The following LRMDA variants were observed in gnomAD, a reference collection of about 807,000 sequenced individuals.
The protein encoded by LRMDA is leucine-rich melanocyte differentiation-associated protein.
Under a neutral mutation model 29.8 loss-of-function variants are expected in LRMDA, and 18 were observed. The ratio of observed to expected loss-of-function variants is 0.60; its 90% CI spans 0.42 to 0.90. The LOEUF (loss-of-function observed/expected upper bound fraction) is 0.90. Ranked by LOEUF, LRMDA falls within the 40% of genes least tolerant of loss-of-function variation. The probability of loss-of-function intolerance (pLI) is 0.00; values close to 1 mark genes in which losing one functional copy is unlikely to be tolerated. For missense variants in LRMDA, 273 were observed against 273.9 expected, an observed-to-expected ratio of 1.00 and a Z score of 0.02; for synonymous variants, 125 against 109.4, an observed-to-expected ratio of 1.14 and a Z score of -0.89.
chr10:76,447,841 A>AC (rs1461777718), intron 6 of LRMDA, among the ~76,000 whole-genome samples: 1 of 151,974 alleles, frequency 6.6e-6, no homozygotes, highest in Non-Finnish European at 1.5e-5. Flanking sequence ...GAGTTCAACA[A>AC]CCCCATGGTT....
At chr10:75,645,293 C>T (rs1048158220) in intron 2 of LRMDA, among the ~76,000 whole-genome samples, 9 of 152,180 alleles carry the variant, frequency 5.9e-5, no homozygotes, top group African/African-American at 1.9e-4. Flanking sequence ...ACTTATTTTA[C>T]TCTTAAAGAT....
At chr10:75,496,037 T>C (rs1212264987) in intron 2 of LRMDA, among the ~76,000 whole-genome samples, 2 of 152,246 alleles carry the variant, frequency 1.3e-5, no homozygotes, top group Admixed American at 6.5e-5. Context: ...TGATGAGTTG[T>C]GCTACCTCTG....
At chr10:75,664,915 G>C (rs1457817257) in intron 2 of LRMDA, among the ~76,000 whole-genome samples, 4 of 152,144 alleles carry the variant, frequency 2.6e-5, no homozygotes, top group Non-Finnish European at 5.9e-5. Flanking sequence ...TAAGGAAATG[G>C]AGAAGCCAGA....
At position 75,470,335 on chromosome 10, in the gene LRMDA, A is replaced by G. The variant is rs903423540; in HGVS notation, c.131+31841A>G. 3.9e-5 allele frequency among the ~76,000 whole-genome samples: 6 copies of G among 152,158 alleles called. No homozygotes were observed. The East Asian group carries it at 7.7e-4, about 20-fold the overall frequency. ...AACATGGCAAAATCTCGTCTCTACT[A>G]AAAACACAAAAATTAGCTGGGTGTG... On this transcript the variant is annotated intron_variant, in intron 2 of 6. Coordinates refer to ENST00000611255, the MANE Select transcript of LRMDA (RefSeq NM_001305581.2).
intron 5 of LRMDA, among the ~76,000 whole-genome samples, chr10:76,239,921 A>T (rs1283606273): frequency 2.0e-5 from 3 of 151,938 alleles, no homozygotes; most frequent in African/African-American, 7.3e-5. Context: ...ATATATACTT[A>T]TATATAATGT....
intron 2 of LRMDA, among the ~76,000 whole-genome samples, chr10:75,482,904 A>T (rs570220223): frequency 6.6e-6 from 1 of 152,118 alleles, no homozygotes; most frequent in African/African-American, 2.4e-5. Context: ...AAGCAAAAAT[A>T]TGTTAATCAC....
chr10:76,089,640 G>A lies in LRMDA; in HGVS notation c.516+30857G>A, dbSNP rs1261457959. On this transcript the variant is annotated intron_variant, in intron 5 of 6. Coordinates refer to ENST00000611255, the MANE Select transcript of LRMDA (RefSeq NM_001305581.2). ...GAACCCATTAACTCAGAGAGATTTC[G>A]GCAGAGCCTTTCCCTTCCCTGACCA... 3.9e-5 allele frequency among the ~76,000 whole-genome samples: 6 copies of A among 152,054 alleles called. No individual in the cohort carries two copies. In the East Asian group the frequency reaches 7.7e-4, roughly 20 times the overall value.
intron 2 of LRMDA, among the ~76,000 whole-genome samples, chr10:75,794,233 A>G (rs948327799): frequency 6.6e-6 from 1 of 152,256 alleles, no homozygotes; most frequent in Non-Finnish European, 1.5e-5. Context: ...AATGATGTTT[A>G]TAAATGATGC....
chr10:76,134,799 T>C (rs1850063347), intron 5 of LRMDA, among the ~76,000 whole-genome samples: 1 of 152,168 alleles, frequency 6.6e-6, no homozygotes, highest in Non-Finnish European at 1.5e-5. Context: ...TAAAATTTGA[T>C]ACATTACTTA....
At chr10:75,502,360 T>C (rs1271117910) in intron 2 of LRMDA, among the ~76,000 whole-genome samples, 1 of 152,138 alleles carries the variant, frequency 6.6e-6, no homozygotes, top group Non-Finnish European at 1.5e-5. Flanking sequence ...TGGGCACAGT[T>C]TGGGAGAGGA....
intron 6 of LRMDA, among the ~76,000 whole-genome samples, chr10:76,329,269 G>T (rs1256516357): frequency 6.6e-6 from 1 of 152,220 alleles, no homozygotes; most frequent in Non-Finnish European, 1.5e-5. Context: ...GGTGGTAATG[G>T]TAAAACAGAT....
intron 2 of LRMDA, among the ~76,000 whole-genome samples, chr10:75,614,589 C>T (rs1841075571): frequency 6.6e-6 from 1 of 152,160 alleles, no homozygotes. Flanking sequence ...TCCTCTATCC[C>T]AGCCCAACTT....
rs186080340 is a variant in LRMDA, at chr10:75,604,424, G to A, written c.131+165930G>A. ...ATTCAATTTATTTGTCATTGCTCAT[G>A]TTTATCATTATTACCTCTGCCGTCT... On this transcript the variant is annotated intron_variant, in intron 2 of 6. Transcript: ENST00000611255. Among the ~76,000 whole-genome samples the A allele has an allele frequency of 1.1e-3, 168 of 152,226 alleles. 4 individuals are homozygous for A. Among genetic ancestry groups the A allele is most frequent in the Admixed American group, 9.0e-3 (138 of 15,288 alleles).
intron 6 of LRMDA, among the ~76,000 whole-genome samples, chr10:76,466,143 C>A (rs1160799102): frequency 6.6e-6 from 1 of 152,082 alleles, no homozygotes; most frequent in Non-Finnish European, 1.5e-5. Flanking sequence ...TTGCAAGAAG[C>A]AACTACCATA....
chr10:76,157,621 CA>C (rs34383363), intron 5 of LRMDA, among the ~76,000 whole-genome samples: 3 of 148,734 alleles, frequency 2.0e-5, no homozygotes, highest in East Asian at 2.0e-4. Flanking sequence ...CTCTTAAAAA[CA>C]AAAAAAAAGA....
intron 2 of LRMDA, among the ~76,000 whole-genome samples, chr10:75,955,342 C>T (rs1846646313): frequency 6.6e-6 from 1 of 152,172 alleles, no homozygotes; most frequent in Middle Eastern, 3.2e-3. Flanking sequence ...GCTCCACAAA[C>T]ATTTACTGCC....
intron 2 of LRMDA, among the ~76,000 whole-genome samples, chr10:75,541,659 C>T (rs1840018860): frequency 6.6e-6 from 1 of 152,290 alleles, no homozygotes; most frequent in Non-Finnish European, 1.5e-5. Flanking sequence ...AGTTTGACCT[C>T]AGCTGCCAGA....
At chr10:76,257,802 G>A (rs1020772218) in intron 5 of LRMDA, among the ~76,000 whole-genome samples, 1 of 152,136 alleles carries the variant, frequency 6.6e-6, no homozygotes, top group Admixed American at 6.5e-5. Flanking sequence ...AGTCCTGTGG[G>A]TTGGCTGGGT....
intron 5 of LRMDA, among the ~76,000 whole-genome samples, chr10:76,075,510 G>A (rs1031022933): frequency 6.6e-6 from 1 of 152,210 alleles, no homozygotes; most frequent in Non-Finnish European, 1.5e-5. Context: ...ATGATATTTT[G>A]TATTTCAGCC....
Sources: gnomAD v4.1 joint callset for allele counts (sites outside exome capture counted in the v4.1 genomes callset) on GRCh38, gnomAD v4.1.1 for gene constraint, MANE v1.5 for transcripts, NCBI Gene and HGNC (gene_info 2026-07-23, HGNC 2026-07-21) for gene names.